BDH2: variants seen among roughly 807,000 people sequenced by gnomAD.
The protein encoded by BDH2 is 3-hydroxybutyrate dehydrogenase 2.
BDH2 carries 24 observed loss-of-function variants against 33.2 expected under a neutral mutation model. The observed-to-expected ratio is 0.72, with a 90% CI of 0.52 to 1.02. The LOEUF is 1.02. Among genes scored for constraint, BDH2 ranks in the 50% least tolerant of loss-of-function variants. The pLI, the probability that BDH2 is intolerant of heterozygous loss-of-function variation, is 0.00. For synonymous variants in BDH2, 81 were observed against 101.6 expected (o/e 0.80, Z 1.22); for missense variants, 249 against 301.6 (o/e 0.83, Z 1.29).
At chr4:103,092,373 A>G (rs1578508047) in intron 4 of BDH2, 2 of 548,006 alleles carry the variant, frequency 3.6e-6, no homozygotes, top group East Asian at 6.3e-5. Context: ...TATCAGTACC[A>G]TCTGTCTTGA....
At chr4:103,086,995 C>T (rs188455146) in intron 5 of BDH2, among the ~76,000 whole-genome samples, 1 of 152,068 alleles carries the variant, frequency 6.6e-6, no homozygotes. Context: ...TCACATAATC[C>T]ACATCCAGCC....
At chr4:103,086,172 A>G (rs1327737742) in intron 6 of BDH2, 2 of 1,151,104 alleles carry the variant, frequency 1.7e-6, no homozygotes, top group Non-Finnish European at 2.1e-6. Flanking sequence ...CCGGTGCTCA[A>G]TACACTATTT....
At position 103,077,898 on chromosome 4, in the gene BDH2, G is replaced by A. The variant is rs73835143; in HGVS notation, c.*1804C>T. On this transcript the variant is annotated 3_prime_UTR_variant, in exon 10 of 10. Coordinates refer to ENST00000296424, the MANE Select transcript of BDH2 (RefSeq NM_020139.4). ...AAGTTAGCCATAATTCGGTAGTGTA[G>A]TGCCCGGTCCAAAACCTCATAGATA... 0.017 allele frequency among the ~76,000 whole-genome samples: 2,529 copies of A among 152,294 alleles called. 72 individuals carry two copies. Among genetic ancestry groups the A allele is most frequent in the African/African-American group, 0.057 (2,374 of 41,548 alleles).
At chr4:103,082,264 C>T (rs1317824402) in intron 8 of BDH2, 91 bp from the exon 9 acceptor site, 3 of 1,095,958 alleles carry the variant, frequency 2.7e-6, no homozygotes, top group Non-Finnish European at 2.8e-6. Flanking sequence ...GCAAGAGAAT[C>T]CACTGGCTTG....
At chr4:103,088,596 C>A (rs1346130533) in intron 5 of BDH2, among the ~76,000 whole-genome samples, 2 of 152,198 alleles carry the variant, frequency 1.3e-5, no homozygotes, top group East Asian at 3.9e-4. Flanking sequence ...CCTTCTCTGG[C>A]AGGCATGACT....
rs1342085146 is a variant in BDH2 at position 103,079,672 on chromosome 4, G to A, written c.*30C>T. 6.2e-7 allele frequency: 1 copy of A among 1,605,170 alleles called. No homozygotes were observed. The highest frequency in any genetic ancestry group is 1.1e-5 in the South Asian group (1 of 90,872). ...GGTTCACTGTGGATAGGAAGGGCCTGCCTTCCTTCCCACCATGGAGATCCT... is the reference window on the plus strand; with the variant it reads ...GGTTCACTGTGGATAGGAAGGGCCTACCTTCCTTCCCACCATGGAGATCCT... On this transcript the variant is annotated 3_prime_UTR_variant, in exon 10 of 10. Coordinates refer to ENST00000296424, the MANE Select transcript of BDH2 (RefSeq NM_020139.4).
intron 2 of BDH2, 140 bp from the exon 3 acceptor site, chr4:103,095,421 T>C (rs914914895): frequency 3.2e-6 from 2 of 617,062 alleles, no homozygotes; most frequent in African/African-American, 1.9e-5. Flanking sequence ...TTTTAAACTA[T>C]CTAGTCTTAC....
At chr4:103,082,421 A>T (rs1217193378) in intron 8 of BDH2, among the ~76,000 whole-genome samples, 2 of 152,178 alleles carry the variant, frequency 1.3e-5, no homozygotes, top group African/African-American at 4.8e-5. Context: ...TCATCTTCAA[A>T]AGTTGTGGTA....
chr4:103,082,710 G>A (rs918952120), intron 8 of BDH2, among the ~76,000 whole-genome samples, 161 bp downstream of exon 8: 24 of 152,042 alleles, frequency 1.6e-4, no homozygotes, highest in African/African-American at 5.8e-4. Context: ...CTTACAAAAT[G>A]GAACCTCTCT....
At position 103,082,940 on chromosome 4, in the gene BDH2, G is replaced by C; in HGVS notation, c.533-11C>G. ...GCGTATCAACTGTTCCTAAATCAAA[G>C]GGGGATATTCAGCTTGGTTACTCAC... On this transcript the variant is annotated splice_polypyrimidine_tract_variant and intron_variant, in intron 7 of 9. Coordinates refer to ENST00000296424, the MANE Select transcript of BDH2 (RefSeq NM_020139.4). The C allele has an allele frequency of 6.2e-7, 1 of 1,609,870 alleles. No homozygotes were observed. Among genetic ancestry groups the C allele is most frequent in the Non-Finnish European group, 8.5e-7 (1 of 1,176,418 alleles).
chr4:103,092,806 T>C, intron 3 of BDH2, 110 bp from the exon 4 acceptor site: 1 of 790,730 alleles, frequency 1.3e-6, no homozygotes, highest in Non-Finnish European at 2.2e-6. Context: ...CTAGGCTTCA[T>C]AGATTGCTGA....
chr4:103,089,623 T>G (rs984465209), intron 5 of BDH2, among the ~76,000 whole-genome samples: 5 of 152,208 alleles, frequency 3.3e-5, no homozygotes, highest in Admixed American at 1.3e-4. Context: ...CTACTTCCTT[T>G]ACTAAAATTT....
At chr4:103,084,518 C>T (rs190711327) in intron 7 of BDH2, among the ~76,000 whole-genome samples, 6 of 152,310 alleles carry the variant, frequency 3.9e-5, no homozygotes, top group South Asian at 2.1e-4. Context: ...TAAGTCCAGT[C>T]GCTGAAACAA....
chr4:103,097,411 A>G (rs943500609), intron 1 of BDH2, among the ~76,000 whole-genome samples: 1 of 152,230 alleles, frequency 6.6e-6, no homozygotes, highest in Non-Finnish European at 1.5e-5. Context: ...AAAGTGAGAG[A>G]AAGAGCTAGT....
Position 103,091,333 on chromosome 4 carries a change from T to C in BDH2, c.249-48A>G, listed in dbSNP as rs1350116317. ...GAAGAATAACTGCCATTAAAATTTT[T>C]CTATTCCATCTGCTGATTATTTTTA... On this transcript the variant is annotated intron_variant, in intron 4 of 9. Transcript: ENST00000296424. The C allele has an allele frequency of 4.9e-6, 6 of 1,224,392 alleles. No individual in the cohort carries two copies. In the East Asian group the frequency reaches 9.4e-5, roughly 19 times the overall value. The allele number at this position is 1,224,392 out of a possible 1,614,324, so 75.8% of individuals were successfully genotyped here.
intron 5 of BDH2, 27 bp downstream of exon 5, chr4:103,091,150 T>C (rs1037558937): frequency 2.7e-6 from 4 of 1,467,348 alleles, no homozygotes; most frequent in African/African-American, 2.8e-5. Context: ...GTGGTGCTTA[T>C]CCTGGTGGTG....
intron 5 of BDH2, among the ~76,000 whole-genome samples, chr4:103,090,184 T>C (rs963067262): frequency 6.6e-6 from 1 of 152,236 alleles, no homozygotes; most frequent in African/African-American, 2.4e-5. Flanking sequence ...AGTCAACCCC[T>C]TTCATTGTCT....
At chr4:103,097,031 C>T (rs1213994626) in intron 1 of BDH2, among the ~76,000 whole-genome samples, 1 of 152,022 alleles carries the variant, frequency 6.6e-6, no homozygotes, top group African/African-American at 2.4e-5. Context: ...TTGAGGTTTG[C>T]ACTATCAATT....
At chr4:103,089,184 A>C (rs986028025) in intron 5 of BDH2, among the ~76,000 whole-genome samples, 1 of 152,232 alleles carries the variant, frequency 6.6e-6, no homozygotes, top group Non-Finnish European at 1.5e-5. Flanking sequence ...GAAAGTTCTA[A>C]CATGGGATAT....
Sources: gnomAD v4.1 joint callset for allele counts (sites outside exome capture counted in the v4.1 genomes callset) on GRCh38, gnomAD v4.1.1 for gene constraint, MANE v1.5 for transcripts, NCBI Gene and HGNC (gene_info 2026-07-23, HGNC 2026-07-21) for gene names.